The following ADAMTS12 variants were observed in gnomAD, a reference collection of about 807,000 sequenced individuals.
ADAMTS12 encodes A disintegrin and metalloproteinase with thrombospondin motifs 12.
A neutral mutation model predicts 167.8 loss-of-function variants in ADAMTS12; 118 were observed. That is an observed-to-expected ratio of 0.70 (90% CI 0.61 to 0.82). The LOEUF is 0.82. Among genes scored for constraint, ADAMTS12 ranks in the 40% least tolerant of loss-of-function variants. The pLI is 0.00. For missense variants in ADAMTS12, 1,916 were observed against 1,998.8 expected (o/e 0.96, Z 0.79); for synonymous variants, 704 against 716.9 (o/e 0.98, Z 0.29).
At position 33,685,859 on chromosome 5, in the gene ADAMTS12, C is replaced by T. The variant is rs1040976309; in HGVS notation, c.635-1804G>A. On this transcript the variant is annotated intron_variant, in intron 3 of 23. Coordinates refer to ENST00000504830, the MANE Select transcript of ADAMTS12 (RefSeq NM_030955.4). The stretch of plus-strand genomic sequence containing the variant: ...GTTTCTAACTTTCTGAAACCCCCTC[C>T]CTCATTGCCCCATCAGCTTTTTGTC... 2.0e-5 allele frequency among the ~76,000 whole-genome samples: 3 copies of T among 152,124 alleles called. No individual in the cohort carries two copies. The South Asian group carries it at 6.2e-4, about 32-fold the overall frequency.
At chr5:33,555,974 T>C (rs936372536) in intron 20 of ADAMTS12, among the ~76,000 whole-genome samples, 1 of 152,162 alleles carries the variant, frequency 6.6e-6, no homozygotes, top group East Asian at 1.9e-4. Context: ...CACTAACCTG[T>C]CCACAGGCCT....
Position 33,643,443 on chromosome 5 carries a change from C to A in ADAMTS12, c.1507G>T (p.Val503Leu). ...ENVCQTLWCS[V>L]KGFCRSKLDA... ...AGCTTAGAGCGACAAAAGCCCTTCA[C>A]GGAGCACCACAGTGTCTGGCAGACG... Residue 503 changes from valine (V) to leucine (L), a missense_variant, in exon 10 of 24, where the codon GTG becomes TTG. By Grantham distance (32) the Val-to-Leu change is conservative. Coordinates refer to ENST00000504830, the MANE Select transcript of ADAMTS12 (RefSeq NM_030955.4). 6.2e-7 allele frequency: 1 copy of A among 1,614,138 alleles called. No homozygotes were observed.
intron 21 of ADAMTS12, among the ~76,000 whole-genome samples, chr5:33,547,226 GT>G (rs1257170679): frequency 2.0e-5 from 3 of 152,066 alleles, no homozygotes; most frequent in Non-Finnish European, 2.9e-5. Context: ...GGAAAAGGGG[GT>G]CAAAAAAGTG....
intron 3 of ADAMTS12, among the ~76,000 whole-genome samples, chr5:33,747,386 A>ACTAACTAC (rs139585295): frequency 0.047 from 7,077 of 152,132 alleles, 571 homozygotes; most frequent in African/African-American, 0.16. Flanking sequence ...TATTCACCAG[A>ACTAACTAC]CTAACTACAT....
At chr5:33,737,353 T>C (rs1744411152) in intron 3 of ADAMTS12, among the ~76,000 whole-genome samples, 1 of 152,222 alleles carries the variant, frequency 6.6e-6, no homozygotes, top group South Asian at 2.1e-4. Context: ...AGATGTGTTT[T>C]GGAATTTGGA....
At chr5:33,658,478 A>C in intron 6 of ADAMTS12, 145 bp from the exon 7 acceptor site, 1 of 847,680 alleles carries the variant, frequency 1.2e-6, no homozygotes, top group Non-Finnish European at 1.7e-6. Context: ...GAATGTAGGC[A>C]GCAATTTTGA....
chr5:33,881,294 T>C lies in ADAMTS12; in HGVS notation c.314A>G (p.Asn105Ser). The change falls in exon 2 of 24, where the codon AAC becomes AGC. Residue 105 changes from asparagine (N) to serine (S), a missense_variant. Physicochemically the swap from Asn to Ser is conservative, Grantham distance 46 (BLOSUM62 1). Coordinates refer to ENST00000504830, the MANE Select transcript of ADAMTS12 (RefSeq NM_030955.4). ...ISHEEKDLFF[N>S]LTVNQGFLSN... ...AAGAAATCCTTGATTGACCGTCAAGTTAAAAAACAGGTCCTTCTCCTCGTG... is the reference window on the plus strand; with the variant it reads ...AAGAAATCCTTGATTGACCGTCAAGCTAAAAAACAGGTCCTTCTCCTCGTG... 6.2e-7 allele frequency: 1 copy of C among 1,614,172 alleles called. No homozygotes were observed.
At chr5:33,573,154 C>T (rs563189173) in intron 19 of ADAMTS12, among the ~76,000 whole-genome samples, 13 of 151,874 alleles carry the variant, frequency 8.6e-5, no homozygotes, top group African/African-American at 1.5e-4. Context: ...GAATCAATAT[C>T]GTGAAAATGG....
chr5:33,672,373 C>A (rs544921438), intron 5 of ADAMTS12, among the ~76,000 whole-genome samples: 9 of 151,956 alleles, frequency 5.9e-5, no homozygotes, highest in African/African-American at 2.2e-4. Context: ...CACACATACC[C>A]CCACAGTATT....
rs761157092 is a variant in ADAMTS12, at chr5:33,637,705, C to T, written c.1760G>A (p.Arg587His). Residue 587 changes from arginine to histidine, a missense_variant, in exon 12 of 24, where the codon CGC becomes CAC. Transcript: ENST00000504830. The part of the protein sequence containing the change: ...GGKYCTGERK[R>H]YRLCNVHPCR... The stretch of plus-strand genomic sequence containing the variant: ...GGGGTGGACGTTGCACAAGCGATAG[C>T]GTTTTCTTTCTCCAGTGCAATATTT... 26 of 1,613,414 alleles carry T rather than the reference C, an allele frequency of 1.6e-5. No individual in the cohort carries two copies. The highest frequency in any genetic ancestry group is 1.6e-4 in the Middle Eastern group (1 of 6,080).
At chr5:33,794,381 C>T (rs557744279) in intron 2 of ADAMTS12, among the ~76,000 whole-genome samples, 2 of 152,150 alleles carry the variant, frequency 1.3e-5, no homozygotes, top group East Asian at 3.9e-4. Flanking sequence ...AAATTCCGGT[C>T]CTCATTACTT....
At chr5:33,642,766 T>A (rs185010215) in intron 10 of ADAMTS12, among the ~76,000 whole-genome samples, 2 of 152,318 alleles carry the variant, frequency 1.3e-5, no homozygotes, top group South Asian at 2.1e-4. Flanking sequence ...CTGGCCACTG[T>A]GTATTTTGCC....
At chr5:33,685,077 G>A (rs1008299055) in intron 3 of ADAMTS12, among the ~76,000 whole-genome samples, 3 of 152,186 alleles carry the variant, frequency 2.0e-5, no homozygotes, top group Non-Finnish European at 2.9e-5. Flanking sequence ...ACAGGGCAGC[G>A]CCTGGGTCTT....
chr5:33,663,665 A>T (rs4544826), intron 5 of ADAMTS12, among the ~76,000 whole-genome samples: 87,167 of 152,032 alleles, frequency 0.57, 26,989 homozygotes, highest in East Asian at 0.75. Context: ...AAAGAATATA[A>T]AAAAGGTTCC....
rs112490969 is a variant in ADAMTS12 at position 33,527,023 on chromosome 5, G to A, written c.*165C>T. On this transcript the variant is annotated 3_prime_UTR_variant, in exon 24 of 24. Coordinates refer to ENST00000504830, the MANE Select transcript of ADAMTS12 (RefSeq NM_030955.4). ...GTACGGCAGCCTAGGCCTCCTGTGA[G>A]GGACATTCGGTGGCTAGAGGAACAC... 5.9e-5 allele frequency: 52 copies of A among 884,272 alleles called. No individual in the cohort carries two copies. The African/African-American group carries it at 7.4e-4, about 13-fold the overall frequency. The allele number at this position is 884,272 out of a possible 1,614,324, so 54.8% of individuals were successfully genotyped here. A position where few individuals can be genotyped will look rare whatever the true frequency, so the allele number is the denominator to read the frequency against.
At chr5:33,645,922 T>C (rs921607008) in intron 9 of ADAMTS12, among the ~76,000 whole-genome samples, 3 of 152,138 alleles carry the variant, frequency 2.0e-5, no homozygotes, top group African/African-American at 7.2e-5. Flanking sequence ...GGAGATAGTC[T>C]AGTAAACAAA....
At chr5:33,570,791 C>T in intron 19 of ADAMTS12, among the ~76,000 whole-genome samples, 2 of 150,466 alleles carry the variant, frequency 1.3e-5, no homozygotes, top group African/African-American at 4.9e-5. Flanking sequence ...AATTAAAAGA[C>T]ACAGACTGGC....
Position 33,524,261 on chromosome 5 carries a change from C to T in ADAMTS12, c.*2927G>A, listed in dbSNP as rs891913020. 1 of 152,162 alleles carries T rather than the reference C, an allele frequency of 6.6e-6. No individual in the cohort carries two copies. The highest frequency in any genetic ancestry group is 6.5e-5 in the Admixed American group (1 of 15,284). 9.4% of individuals were successfully genotyped at this position (152,162 alleles called of 1,614,324 possible). ...TTGAAGAAAGTAATCACTATTAAGT[C>T]TCCTGGAATATTGTTCTCTCGTGGT... is the stretch of plus-strand genomic sequence containing the variant. On this transcript the variant is annotated 3_prime_UTR_variant, in exon 24 of 24. Coordinates refer to ENST00000504830, the MANE Select transcript of ADAMTS12 (RefSeq NM_030955.4).
intron 2 of ADAMTS12, among the ~76,000 whole-genome samples, chr5:33,789,176 G>GTC (rs33943765): frequency 2.0e-4 from 31 of 152,180 alleles, no homozygotes; most frequent in South Asian, 8.3e-4. Context: ...GGACAGAAAG[G>GTC]TCTCTCACAC....
Sources: allele counts gnomAD v4.1 joint callset (sites outside exome capture counted in the v4.1 genomes callset), GRCh38; gene constraint gnomAD v4.1.1; transcripts MANE v1.5; gene names NCBI Gene and HGNC (gene_info 2026-07-23, HGNC 2026-07-21).